SAMD12: variants seen among roughly 807,000 people sequenced by gnomAD.
SAMD12 encodes the protein sterile alpha motif domain containing 12.
A neutral mutation model predicts 15.0 loss-of-function variants in SAMD12; 9 were observed. That is an observed-to-expected ratio of 0.60 (90% CI 0.36 to 1.05). The LOEUF (loss-of-function observed/expected upper bound fraction) is 1.05. Among genes scored for constraint, SAMD12 ranks in the 50% least tolerant of loss-of-function variants. SAMD12 has a pLI of 0.01. For missense variants in SAMD12, 230 were observed against 234.2 expected (o/e 0.98, Z 0.12); for synonymous variants, 86 against 90.1 (o/e 0.96, Z 0.25).
chr8:118,552,306 G>T (rs890264742), intron 2 of SAMD12, among the ~76,000 whole-genome samples: 2 of 152,118 alleles, frequency 1.3e-5, no homozygotes, highest in Non-Finnish European at 2.9e-5. Flanking sequence ...GAATCCAGCA[G>T]CACATCAAAA....
At chr8:118,142,143 G>T in the SAMD12 span, among the ~76,000 whole-genome samples, 2 of 152,146 alleles carry the variant, frequency 1.3e-5, no homozygotes. Context: ...AGGCCTCAGA[G>T]GGAGGCTGTG....
exon 5 of SAMD12, chr8:118,193,939 A>G (rs912245339): frequency 3.3e-5 from 5 of 152,248 alleles, no homozygotes; most frequent in African/African-American, 1.2e-4. Flanking sequence ...ATTATTCTAA[A>G]GAATGTAGAG....
At chr8:118,149,094 T>C in the SAMD12 span, among the ~76,000 whole-genome samples, 1 of 152,218 alleles carries the variant, frequency 6.6e-6, no homozygotes, top group Admixed American at 6.5e-5. Flanking sequence ...TATGCTTAAC[T>C]TTTTTGTTTT....
chr8:118,402,045 A>C (rs1820895316), intron 3 of SAMD12, among the ~76,000 whole-genome samples: 1 of 152,208 alleles, frequency 6.6e-6, no homozygotes, highest in African/African-American at 2.4e-5. Flanking sequence ...TCTTTCCATA[A>C]GAAAAAGGCA....
intron 4 of SAMD12, among the ~76,000 whole-genome samples, chr8:118,357,065 G>C (rs1818265201): frequency 6.6e-6 from 1 of 152,162 alleles, no homozygotes; most frequent in African/African-American, 2.4e-5. Flanking sequence ...ACAGCTGTCA[G>C]TACAATCTTT....
chr8:118,432,420 T>C (rs1252613276), intron 3 of SAMD12, among the ~76,000 whole-genome samples: 1 of 152,182 alleles, frequency 6.6e-6, no homozygotes, highest in Non-Finnish European at 1.5e-5. Context: ...GACTGGAAGA[T>C]AGCATTATAC....
chr8:118,538,997 A>G (rs2131143889), intron 2 of SAMD12, among the ~76,000 whole-genome samples: 1 of 152,360 alleles, frequency 6.6e-6, no homozygotes, highest in Middle Eastern at 3.4e-3. Flanking sequence ...GTAGCAAATT[A>G]CCTAACTAGG....
At chr8:118,165,612 A>ATATG in the SAMD12 span, among the ~76,000 whole-genome samples, 13 of 63,072 alleles carry the variant, frequency 2.1e-4, 1 homozygote, top group Admixed American at 2.2e-3. Flanking sequence ...ACATATATAT[A>ATATG]TGTATATATA....
chr8:118,588,251 C>T (rs1827500283), intron 1 of SAMD12, among the ~76,000 whole-genome samples: 1 of 152,130 alleles, frequency 6.6e-6, no homozygotes, highest in Non-Finnish European at 1.5e-5. Context: ...AAAAATACAA[C>T]AACTGTACCA....
At chr8:118,602,219 CT>C (rs1263209280) in intron 1 of SAMD12, among the ~76,000 whole-genome samples, 1 of 152,216 alleles carries the variant, frequency 6.6e-6, no homozygotes, top group Non-Finnish European at 1.5e-5. Flanking sequence ...GTTTGCACAA[CT>C]GCCTTTGTCA....
At chr8:118,486,250 TA>T (rs199707060) in intron 2 of SAMD12, among the ~76,000 whole-genome samples, 22,545 of 151,670 alleles carry the variant, frequency 0.15, 1,758 homozygotes, top group East Asian at 0.27. Context: ...CCGTCTCTAC[TA>T]AAAAATACAA....
intron 4 of SAMD12, among the ~76,000 whole-genome samples, chr8:118,208,910 G>C (rs530476083): frequency 1.3e-5 from 2 of 152,230 alleles, no homozygotes; most frequent in African/African-American, 4.8e-5. Flanking sequence ...CTGTATGTAG[G>C]GAGGGCTCAA....
intron 4 of SAMD12, among the ~76,000 whole-genome samples, chr8:118,261,190 C>T (rs1813067917): frequency 3.3e-5 from 5 of 152,056 alleles, no homozygotes; most frequent in Non-Finnish European, 7.4e-5. Flanking sequence ...TTTTTTAGCT[C>T]AACTAAATAC....
chr8:118,313,133 T>A (rs1815713004), intron 4 of SAMD12, among the ~76,000 whole-genome samples: 1 of 152,174 alleles, frequency 6.6e-6, no homozygotes, highest in Non-Finnish European at 1.5e-5. Flanking sequence ...AGATGCCCTC[T>A]CTGTCACATA....
chr8:118,305,469 C>A (rs1815292238), intron 4 of SAMD12, among the ~76,000 whole-genome samples: 1 of 152,092 alleles, frequency 6.6e-6, no homozygotes, highest in South Asian at 2.1e-4. Flanking sequence ...ACTTTTATTT[C>A]TTTTTATGGC....
chr8:118,153,474 G>T, the SAMD12 span, among the ~76,000 whole-genome samples: 45 of 152,216 alleles, frequency 3.0e-4, no homozygotes, highest in Middle Eastern at 6.8e-3. Flanking sequence ...ACAGAGAGGG[G>T]TAAAAAAAAT....
chr8:118,304,761 T>TAAATAAATAAAC (rs1317468875), intron 4 of SAMD12, among the ~76,000 whole-genome samples: 3 of 55,562 alleles, frequency 5.4e-5, no homozygotes, highest in African/African-American at 4.2e-4. Flanking sequence ...CTCCATCTCA[T>TAAATAAATAAAC]AAATAAATAA....
chr8:118,263,141 T>C lies in SAMD12; in HGVS notation c.434-65409A>G, dbSNP rs1190227651. 2.0e-5 allele frequency among the ~76,000 whole-genome samples: 3 copies of C among 152,198 alleles called. No homozygotes were observed. In the South Asian group the frequency reaches 6.2e-4, roughly 32 times the overall value. ...ATATTTTTTGATATTTTAAAGCAGT[T>C]TGGGTGAAATGCCCTTTCTTAGTTT... On this transcript the variant is annotated intron_variant, in intron 4 of 4. Coordinates refer to the SAMD12 transcript ENST00000409003.
chr8:118,489,609 G>A, intron 2 of SAMD12, among the ~76,000 whole-genome samples: 1 of 152,138 alleles, frequency 6.6e-6, no homozygotes, highest in East Asian at 1.9e-4. Context: ...CTGTTCCGGT[G>A]CTTTAAAATC....
Sources: allele counts gnomAD v4.1 joint callset (sites outside exome capture counted in the v4.1 genomes callset), GRCh38; gene constraint gnomAD v4.1.1; transcripts MANE v1.5; gene names NCBI Gene and HGNC (gene_info 2026-07-23, HGNC 2026-07-21).